The following CLNK variants were observed in gnomAD, a reference collection of about 807,000 sequenced individuals.
CLNK encodes cytokine-dependent hematopoietic cell linker.
Under a neutral mutation model 68.6 loss-of-function variants are expected in CLNK, and 74 were observed. The ratio of observed to expected loss-of-function variants is 1.08; its 90% CI spans 0.89 to 1.31. The LOEUF is 1.31. Ranked by LOEUF, CLNK falls within the 50% of genes most tolerant of loss-of-function variation. The pLI, the probability that CLNK is intolerant of heterozygous loss-of-function variation, is 0.00. For missense variants in CLNK, 553 were observed against 515.3 expected, an observed-to-expected ratio of 1.07 and a Z score of -0.71; for synonymous variants, 198 against 172.2, an observed-to-expected ratio of 1.15 and a Z score of -1.17.
intron 7 of CLNK, 48 bp from the exon 8 acceptor site, chr4:10,558,500 C>G (rs1336208111): frequency 1.3e-6 from 2 of 1,547,262 alleles, no homozygotes; most frequent in African/African-American, 1.4e-5. Flanking sequence ...GTGACTATGA[C>G]ACTATCTGAT....
intron 8 of CLNK, among the ~76,000 whole-genome samples, chr4:10,548,352 C>T (rs1266297433): frequency 6.6e-6 from 1 of 152,154 alleles, no homozygotes; most frequent in Non-Finnish European, 1.5e-5. Flanking sequence ...AATAAGGTCA[C>T]TCATTTTTTA....
chr4:10,734,250 C>T, the CLNK span, among the ~76,000 whole-genome samples: 3 of 152,224 alleles, frequency 2.0e-5, no homozygotes, highest in Non-Finnish European at 4.4e-5. Flanking sequence ...TGACACCAAA[C>T]CTGGGCATTT....
intron 2 of CLNK, among the ~76,000 whole-genome samples, chr4:10,604,453 T>C (rs923034245): frequency 3.9e-5 from 6 of 152,094 alleles, no homozygotes; most frequent in Non-Finnish European, 8.8e-5. Flanking sequence ...TTTTTAGCAC[T>C]CTCCTTGAGC....
At chr4:10,498,975 C>T (rs116543406) in intron 18 of CLNK, among the ~76,000 whole-genome samples, 13 of 151,004 alleles carry the variant, frequency 8.6e-5, no homozygotes, top group Admixed American at 7.2e-4. Context: ...GTACCCCCCC[C>T]CCCCCAACCC....
At chr4:10,502,624 G>C (rs1286623191) in intron 17 of CLNK, among the ~76,000 whole-genome samples, 1 of 151,746 alleles carries the variant, frequency 6.6e-6, no homozygotes, top group African/African-American at 2.4e-5. Flanking sequence ...AGCCACAGCA[G>C]GCTTTGAGCA....
intron 10 of CLNK, 136 bp downstream of exon 10, chr4:10,541,886 T>A (rs1159755095): frequency 1.5e-6 from 1 of 684,508 alleles, no homozygotes; most frequent in South Asian, 1.8e-5. Flanking sequence ...TTAGTTTTTT[T>A]TTTTTCCACA....
At chr4:10,622,353 T>C (rs60488199) in intron 2 of CLNK, among the ~76,000 whole-genome samples, 1,530 of 152,328 alleles carry the variant, frequency 0.01, 30 homozygotes, top group African/African-American at 0.033. Flanking sequence ...TCCAGACAAG[T>C]ATGTCACTTT....
At chr4:10,553,053 G>GT (rs1057205856) in intron 8 of CLNK, among the ~76,000 whole-genome samples, 1 of 146,230 alleles carries the variant, frequency 6.8e-6, no homozygotes, top group Admixed American at 6.7e-5. Context: ...GGAAGAGGAG[G>GT]GGGGGGCATG....
intron 18 of CLNK, among the ~76,000 whole-genome samples, chr4:10,494,269 A>C (rs1384077144): frequency 6.6e-6 from 1 of 152,218 alleles, no homozygotes; most frequent in East Asian, 1.9e-4. Context: ...AATCTTTCCT[A>C]GTTTCAGTCT....
chr4:10,671,451 C>A (rs958760890), intron 1 of CLNK, among the ~76,000 whole-genome samples: 1 of 152,030 alleles, frequency 6.6e-6, no homozygotes, highest in Admixed American at 6.6e-5. Context: ...GAGTTAGCCA[C>A]AAAGTGTCAT....
intron 16 of CLNK, among the ~76,000 whole-genome samples, chr4:10,508,991 T>C (rs1461579505): frequency 6.6e-6 from 1 of 150,778 alleles, no homozygotes; most frequent in East Asian, 2.0e-4. Context: ...CCTATAGTCC[T>C]AGCTACTTGG....
At chr4:10,725,660 T>C in the CLNK span, among the ~76,000 whole-genome samples, 1 of 152,128 alleles carries the variant, frequency 6.6e-6, no homozygotes, top group African/African-American at 2.4e-5. Context: ...GAGACCATCC[T>C]GGCTAACATG....
chr4:10,544,536 G>A (rs543448231), intron 8 of CLNK, among the ~76,000 whole-genome samples: 2 of 152,172 alleles, frequency 1.3e-5, no homozygotes, highest in African/African-American at 2.4e-5. Context: ...AGCACGGTGC[G>A]GAGAGTAGGA....
At chr4:10,677,766 C>T in intron 1 of CLNK, among the ~76,000 whole-genome samples, 1 of 152,002 alleles carries the variant, frequency 6.6e-6, no homozygotes, top group South Asian at 2.1e-4. Context: ...AATTAAACCT[C>T]TTTCCGTTAT....
At chr4:10,571,063 T>C (rs1720324043) in intron 5 of CLNK, among the ~76,000 whole-genome samples, 1 of 152,150 alleles carries the variant, frequency 6.6e-6, no homozygotes, top group Non-Finnish European at 1.5e-5. Context: ...TATTATGAAA[T>C]TGCTCTCTGG....
chr4:10,495,168 C>T (rs10033825), intron 18 of CLNK, among the ~76,000 whole-genome samples: 41,994 of 151,984 alleles, frequency 0.28, 6,951 homozygotes, highest in Non-Finnish European at 0.38. Flanking sequence ...TAAATATCTA[C>T]GGTGGTTTTT....
Position 10,587,670 on chromosome 4 carries a change from A to G in CLNK, c.84-2715T>C, listed in dbSNP as rs139034523. On this transcript the variant is annotated intron_variant, in intron 3 of 18. Transcript: ENST00000226951. The stretch of plus-strand genomic sequence containing the variant: ...CTTCTGTTCACCATTTTAAACCCCA[A>G]ATGAAATAACCTGTGGGCTCGCTGT... Among the ~76,000 whole-genome samples, 3 of 152,258 alleles carry G rather than the reference A, an allele frequency of 2.0e-5. No individual in the cohort carries two copies. The East Asian group carries it at 5.8e-4, about 29-fold the overall frequency.
chr4:10,625,807 A>T (rs1048837756), intron 2 of CLNK, among the ~76,000 whole-genome samples: 2 of 152,106 alleles, frequency 1.3e-5, no homozygotes, highest in Non-Finnish European at 2.9e-5. Context: ...GAAAGCAGAA[A>T]CTGGTTCTGT....
intron 2 of CLNK, among the ~76,000 whole-genome samples, chr4:10,614,566 C>G (rs1331989561): frequency 6.6e-6 from 1 of 152,168 alleles, no homozygotes; most frequent in African/African-American, 2.4e-5. Context: ...GTTCCCAGAC[C>G]AGCAGCATCT....
Sources: allele counts gnomAD v4.1 joint callset (sites outside exome capture counted in the v4.1 genomes callset), GRCh38; gene constraint gnomAD v4.1.1; transcripts MANE v1.5; gene names NCBI Gene and HGNC (gene_info 2026-07-23, HGNC 2026-07-21).